MAMDC2: variants seen among roughly 807,000 people sequenced by gnomAD.
MAMDC2 encodes the protein MAM domain containing 2.
In MAMDC2, 57 loss-of-function variants were observed where a neutral mutation model predicts 89.8. The observed-to-expected ratio is 0.63, with a 90% confidence interval of 0.51 to 0.79. The LOEUF is 0.79. MAMDC2 is among the 30% of genes least tolerant of loss of function. The pLI is 0.00. For missense variants in MAMDC2, 800 were observed against 820.6 expected (o/e 0.97, Z 0.31); for synonymous variants, 313 against 293.4 (o/e 1.07, Z -0.68).
intron 2 of MAMDC2, among the ~76,000 whole-genome samples, chr9:70,044,970 G>C (rs373435017): frequency 6.6e-6 from 1 of 152,248 alleles, no homozygotes; most frequent in Non-Finnish European, 1.5e-5. Flanking sequence ...AGGGAGAAAC[G>C]GAGCACAGCT....
intron 2 of MAMDC2, chr9:70,081,515 T>A (rs924263669): frequency 6.6e-6 from 1 of 152,134 alleles, no homozygotes; most frequent in African/African-American, 2.4e-5. Context: ...AACAAAACTT[T>A]AATGTTTCGT....
chr9:70,066,130 A>G (rs549125961), intron 2 of MAMDC2, among the ~76,000 whole-genome samples: 1 of 152,292 alleles, frequency 6.6e-6, no homozygotes, highest in Admixed American at 6.5e-5. Flanking sequence ...GATAGGTATG[A>G]AGGAAGATTG....
intron 1 of MAMDC2, 91 bp from the exon 2 acceptor site, chr9:70,044,493 C>T (rs1048498068): frequency 9.4e-7 from 1 of 1,063,228 alleles, no homozygotes; most frequent in Non-Finnish European, 1.4e-6. Context: ...GTCTTTCCCC[C>T]ACTTTCACCA....
intron 11 of MAMDC2, chr9:70,217,420 G>T: frequency 7.5e-7 from 1 of 1,326,040 alleles, no homozygotes; most frequent in Non-Finnish European, 1.1e-6. Flanking sequence ...CCACCCAGCA[G>T]TCAAATTCCA....
intron 9 of MAMDC2, among the ~76,000 whole-genome samples, chr9:70,162,015 A>G (rs1272481829): frequency 6.6e-6 from 1 of 152,244 alleles, no homozygotes; most frequent in African/African-American, 2.4e-5. Context: ...TGGGTAAGTT[A>G]TGATATTGTT....
chr9:70,206,556 C>G (rs937480657), intron 11 of MAMDC2, among the ~76,000 whole-genome samples: 3 of 152,172 alleles, frequency 2.0e-5, no homozygotes, highest in Non-Finnish European at 1.5e-5. Context: ...TGTTACTCCT[C>G]TCTTCCAAAA....
intron 2 of MAMDC2, among the ~76,000 whole-genome samples, chr9:70,096,467 A>T (rs905705916): frequency 2.0e-5 from 3 of 152,192 alleles, no homozygotes; most frequent in African/African-American, 7.2e-5. Context: ...GAGAGGACAA[A>T]AGAAACCTAC....
intron 2 of MAMDC2, among the ~76,000 whole-genome samples, chr9:70,107,768 C>T (rs1056519243): frequency 1.3e-5 from 2 of 152,162 alleles, no homozygotes; most frequent in African/African-American, 4.8e-5. Flanking sequence ...AAGGTTGAGT[C>T]CACCCAGTTA....
intron 2 of MAMDC2, chr9:70,094,070 T>C (rs1827969244): frequency 6.6e-6 from 1 of 152,206 alleles, no homozygotes; most frequent in Non-Finnish European, 1.5e-5. Context: ...ACATCTGTGG[T>C]TGTGGTTTCA....
chr9:70,070,959 T>C (rs1225678045), intron 2 of MAMDC2, among the ~76,000 whole-genome samples: 1 of 152,212 alleles, frequency 6.6e-6, no homozygotes, highest in East Asian at 1.9e-4. Context: ...CAAAAAATCA[T>C]GATCAATTAA....
chr9:70,106,836 T>G (rs998365346), intron 2 of MAMDC2, among the ~76,000 whole-genome samples: 1 of 152,154 alleles, frequency 6.6e-6, no homozygotes, highest in African/African-American at 2.4e-5. Context: ...CTGAAGACAA[T>G]GCCCTAACTG....
chr9:70,109,502 T>C (rs898897708), intron 3 of MAMDC2, among the ~76,000 whole-genome samples: 2 of 152,214 alleles, frequency 1.3e-5, no homozygotes, highest in African/African-American at 4.8e-5. Context: ...TTTTGATGTA[T>C]GAGTTTATGT....
chr9:70,129,529 TC>T (rs1286197741), intron 6 of MAMDC2, among the ~76,000 whole-genome samples: 7 of 152,206 alleles, frequency 4.6e-5, no homozygotes, highest in African/African-American at 1.7e-4. Context: ...GGATTTGAAC[TC>T]TGGTCTGTCT....
chr9:70,217,690 A>G (rs2033475432), intron 11 of MAMDC2: 2 of 1,447,522 alleles, frequency 1.4e-6, no homozygotes, highest in Non-Finnish European at 1.9e-6. Flanking sequence ...AGATTTTTAA[A>G]TAAAGATTGG....
chr9:70,091,752 T>C (rs1441141394), intron 2 of MAMDC2, among the ~76,000 whole-genome samples: 1 of 152,166 alleles, frequency 6.6e-6, no homozygotes, highest in African/African-American at 2.4e-5. Flanking sequence ...GCTTTGTGAA[T>C]AGTTAAGTGC....
At position 70,226,056 on chromosome 9, in the gene MAMDC2, T is replaced by C; in HGVS notation, c.*24T>C. On this transcript the variant is annotated 3_prime_UTR_variant, in exon 14 of 14. Transcript: ENST00000377182. ...AAGAAATGATCTGCATTGGATTTAC[T>C]AGACGAAAACCATACCTCTCTTCAA... 3 of 1,383,786 alleles carry C rather than the reference T, an allele frequency of 2.2e-6. No homozygotes were observed. The highest frequency in any genetic ancestry group is 3.0e-6 in the Non-Finnish European group (3 of 997,528). 85.7% of individuals were successfully genotyped at this position (1,383,786 alleles called of 1,614,324 possible).
chr9:70,153,280 T>G (rs1379965414), intron 9 of MAMDC2: 1 of 152,166 alleles, frequency 6.6e-6, no homozygotes, highest in African/African-American at 2.4e-5. Context: ...TTTCACACAT[T>G]AAGGAGGATA....
Position 70,225,805 on chromosome 9 carries a change from A to G in MAMDC2, c.1967A>G (p.Asp656Gly). 6.2e-7 allele frequency: 1 copy of G among 1,611,268 alleles called. No homozygotes were observed. The highest frequency in any genetic ancestry group is 8.5e-7 in the Non-Finnish European group (1 of 1,177,714). ...VSIRSDIAID[D>G]VKFQAGPCGE... is the part of the protein sequence containing the mutation. ...ATAAGAAGTGATATTGCCATTGATG[A>G]TGTTAAATTTCAGGCAGGACCCTGT... The change falls in exon 13 of 14, where the codon GAT becomes GGT. Residue 656 changes from aspartate to glycine, a missense_variant. Asp to Gly is a moderately conservative substitution (Grantham distance 94). Transcript: ENST00000377182.
intron 2 of MAMDC2, among the ~76,000 whole-genome samples, chr9:70,054,681 G>A (rs966648457): frequency 6.6e-6 from 1 of 151,936 alleles, no homozygotes; most frequent in African/African-American, 2.4e-5. Context: ...AAAGAGGGGG[G>A]CTTCCTTGCT....
Sources: allele counts gnomAD v4.1 joint callset (sites outside exome capture counted in the v4.1 genomes callset), GRCh38; gene constraint gnomAD v4.1.1; transcripts MANE v1.5; gene names NCBI Gene and HGNC (gene_info 2026-07-23, HGNC 2026-07-21).